Variants in CPE observed in about 807,000 individuals in gnomAD.
The protein encoded by CPE is carboxypeptidase E.
Under a neutral mutation model 53.5 loss-of-function variants are expected in CPE, and 17 were observed. The ratio of observed to expected loss-of-function variants is 0.32; its 90% CI spans 0.22 to 0.48. The LOEUF is 0.48. Ranked by LOEUF, CPE falls within the 20% of genes least tolerant of loss-of-function variation. CPE has a pLI of 0.99. For missense variants in CPE, 524 were observed against 614.7 expected (o/e 0.85, Z 1.56); for synonymous variants, 226 against 228.8 (o/e 0.99, Z 0.11).
chr4:165,453,271 C>A, intron 1 of CPE, among the ~76,000 whole-genome samples: 1 of 151,614 alleles, frequency 6.6e-6, no homozygotes, highest in East Asian at 2.0e-4. Flanking sequence ...TTCTTATTTT[C>A]TTTCTTTCTC....
intron 1 of CPE, among the ~76,000 whole-genome samples, chr4:165,417,714 C>A (rs1731148156): frequency 6.6e-6 from 1 of 151,040 alleles, no homozygotes; most frequent in Middle Eastern, 3.2e-3. Context: ...TTTACTCATC[C>A]AAAAGTGTCT....
At chr4:165,387,308 C>T (rs1396297866) in intron 1 of CPE, among the ~76,000 whole-genome samples, 1 of 152,158 alleles carries the variant, frequency 6.6e-6, no homozygotes, top group Non-Finnish European at 1.5e-5. Context: ...TATGATAATA[C>T]ACCGTGGAAC....
intron 1 of CPE, among the ~76,000 whole-genome samples, chr4:165,461,177 A>G (rs1429265678): frequency 7.6e-6 from 1 of 131,114 alleles, no homozygotes; most frequent in Non-Finnish European, 1.6e-5. Context: ...AAAAAAAAAA[A>G]AAAAAAAAAA....
At chr4:165,424,095 A>G (rs1731275490) in intron 1 of CPE, among the ~76,000 whole-genome samples, 2 of 150,888 alleles carry the variant, frequency 1.3e-5, no homozygotes, top group African/African-American at 4.9e-5. Context: ...AGACTTCTAA[A>G]GGTTTTTGCC....
Position 165,484,404 on chromosome 4 carries a change from T to C in CPE, c.791-18T>C. On this transcript the variant is annotated intron_variant, in intron 4 of 8. Coordinates refer to ENST00000402744, the MANE Select transcript of CPE (RefSeq NM_001873.4). ...TGGTCTGTGTCTGTTTCTTTAATCT[T>C]GTGGATTTGTTTTCTAGGTAGTGCT... The C allele has an allele frequency of 1.2e-6, 2 of 1,609,008 alleles. No homozygotes were observed. The highest frequency in any genetic ancestry group is 1.7e-6 in the Non-Finnish European group (2 of 1,176,166).
chr4:165,395,499 C>T (rs1730748804), intron 1 of CPE, among the ~76,000 whole-genome samples: 1 of 152,116 alleles, frequency 6.6e-6, no homozygotes, highest in Admixed American at 6.6e-5. Context: ...TATTAGCAGC[C>T]ATTTCTTTGA....
intron 8 of CPE, 22 bp downstream of exon 8, chr4:165,495,699 C>A: frequency 7.0e-7 from 1 of 1,433,256 alleles, no homozygotes; most frequent in Non-Finnish European, 9.8e-7. Flanking sequence ...TAATAATAGC[C>A]AAACGCTATA....
chr4:165,388,636 G>T (rs1730635221), intron 1 of CPE, among the ~76,000 whole-genome samples: 1 of 152,176 alleles, frequency 6.6e-6, no homozygotes, highest in Non-Finnish European at 1.5e-5. Flanking sequence ...TCTGCGTAAT[G>T]CCTGCTGCAT....
intron 3 of CPE, among the ~76,000 whole-genome samples, chr4:165,477,245 C>G (rs1478910504): frequency 6.6e-6 from 1 of 152,098 alleles, no homozygotes; most frequent in Non-Finnish European, 1.5e-5. Context: ...CTAGCTTAGG[C>G]AATACTTATT....
In CPE at chr4:165,409,670, A is replaced by G. The variant is rs576198531; in HGVS notation, c.307+30142A>G. 5.3e-5 allele frequency among the ~76,000 whole-genome samples: 8 copies of G among 152,328 alleles called. No individual in the cohort carries two copies. The South Asian group carries it at 1.2e-3, about 24-fold the overall frequency. On this transcript the variant is annotated intron_variant, in intron 1 of 8. Coordinates refer to ENST00000402744, the MANE Select transcript of CPE (RefSeq NM_001873.4). The stretch of plus-strand genomic sequence containing the variant: ...AAATATCAATAATAGCAGTATATCA[A>G]TGCTTTCCTAAGAAACTGTGAAATA...
chr4:165,448,583 A>G (rs996814067), intron 1 of CPE, among the ~76,000 whole-genome samples: 1 of 152,160 alleles, frequency 6.6e-6, no homozygotes, highest in East Asian at 1.9e-4. Flanking sequence ...GGTCCCTAAC[A>G]TGTACAACCA....
intron 1 of CPE, chr4:165,406,485 A>C (rs1730956939): frequency 8.0e-6 from 2 of 250,452 alleles, no homozygotes; most frequent in South Asian, 1.1e-4. Flanking sequence ...CAGATTTCAG[A>C]ATTGTACTGT....
chr4:165,495,767 C>A, intron 8 of CPE, 90 bp downstream of exon 8: 1 of 866,870 alleles, frequency 1.2e-6, no homozygotes, highest in Non-Finnish European at 1.7e-6. Context: ...ATTTAATCTT[C>A]GTACTAGCCC....
At chr4:165,408,335 A>G (rs763547253) in intron 1 of CPE, among the ~76,000 whole-genome samples, 4 of 152,190 alleles carry the variant, frequency 2.6e-5, no homozygotes, top group African/African-American at 4.8e-5. Flanking sequence ...TAACTTTTTT[A>G]TCGGATAAGT....
At position 165,401,006 on chromosome 4, in the gene CPE, G is replaced by A. The variant is rs562828021; in HGVS notation, c.307+21478G>A. Among the ~76,000 whole-genome samples, 6 of 152,150 alleles carry A rather than the reference G, an allele frequency of 3.9e-5. No individual in the cohort carries two copies. The East Asian group carries it at 1.2e-3, about 29-fold the overall frequency. The stretch of plus-strand genomic sequence containing the variant: ...GAGTTATCCCAGCTCTTCATCACCA[G>A]TTCTAATGAGCCGTTTTCAATCTTT... On this transcript the variant is annotated intron_variant, in intron 1 of 8. Transcript: ENST00000402744.
intron 1 of CPE, among the ~76,000 whole-genome samples, chr4:165,392,885 A>AAT (rs891063682): frequency 5.7e-5 from 8 of 139,460 alleles, no homozygotes; most frequent in African/African-American, 1.2e-4. Flanking sequence ...ATATATAAAT[A>AAT]ATATATATAT....
At chr4:165,457,479 A>G (rs534504254) in intron 1 of CPE, among the ~76,000 whole-genome samples, 22 of 152,346 alleles carry the variant, frequency 1.4e-4, no homozygotes, top group African/African-American at 5.3e-4. Context: ...TGAAGCTGGA[A>G]ATACCTTCTG....
intron 1 of CPE, among the ~76,000 whole-genome samples, chr4:165,409,983 C>T (rs1404627554): frequency 6.6e-6 from 1 of 152,144 alleles, no homozygotes; most frequent in East Asian, 1.9e-4. Flanking sequence ...TGCAGTGGCT[C>T]ATGCCTGTAA....
chr4:165,392,388 A>G (rs1207873805), intron 1 of CPE, among the ~76,000 whole-genome samples: 1 of 146,208 alleles, frequency 6.8e-6, no homozygotes, highest in Non-Finnish European at 1.5e-5. Flanking sequence ...ATATGTATAT[A>G]TTATGCATAC....
Sources: allele counts gnomAD v4.1 joint callset (sites outside exome capture counted in the v4.1 genomes callset), GRCh38; gene constraint gnomAD v4.1.1; transcripts MANE v1.5; gene names NCBI Gene and HGNC (gene_info 2026-07-23, HGNC 2026-07-21).